Variants in CLSTN1 observed in about 807,000 individuals in gnomAD.
CLSTN1 encodes calsyntenin 1.
Under a neutral mutation model 108.3 loss-of-function variants are expected in CLSTN1, and 28 were observed. The ratio of observed to expected loss-of-function variants is 0.26; its 90% CI spans 0.19 to 0.35. The LOEUF (loss-of-function observed/expected upper bound fraction) is 0.35, where lower values mean the gene tolerates loss of function less well. Among genes scored for constraint, CLSTN1 ranks in the 10% least tolerant of loss-of-function variants. The pLI is 1.00. For synonymous variants in CLSTN1, 524 were observed against 534.9 expected, an observed-to-expected ratio of 0.98 and a Z score of 0.28; for missense variants, 1,157 against 1,302.6, an observed-to-expected ratio of 0.89 and a Z score of 1.72.
intron 1 of CLSTN1, among the ~76,000 whole-genome samples, chr1:9,810,612 T>TA (rs926632288): frequency 6.6e-6 from 1 of 150,872 alleles, no homozygotes; most frequent in African/African-American, 2.4e-5. Flanking sequence ...CCATCTCTAC[T>TA]AAAAATACAA....
chr1:9,773,164 A>G (rs1652771362), intron 2 of CLSTN1, 108 bp downstream of exon 2: 1 of 1,446,202 alleles, frequency 6.9e-7, no homozygotes, highest in Admixed American at 2.0e-5. Flanking sequence ...AATAACCCTC[A>G]GCTATGGAGA....
chr1:9,812,866 C>A (rs200344333), intron 1 of CLSTN1, among the ~76,000 whole-genome samples: 1,858 of 137,998 alleles, frequency 0.013, 20 homozygotes, highest in East Asian at 0.039. Context: ...AAAAAAAAAA[C>A]AAACAAACCT....
At chr1:9,803,861 T>C (rs1482970125) in intron 1 of CLSTN1, among the ~76,000 whole-genome samples, 1 of 152,084 alleles carries the variant, frequency 6.6e-6, no homozygotes, top group Non-Finnish European at 1.5e-5. Flanking sequence ...ACATCAGCCA[T>C]TTAAAGGTCT....
intron 10 of CLSTN1, 90 bp downstream of exon 10, chr1:9,741,004 G>A (rs1024138479): frequency 1.4e-6 from 2 of 1,403,066 alleles, no homozygotes; most frequent in African/African-American, 1.4e-5. Flanking sequence ...GGGTAAGGCT[G>A]TAGGATACCG....
intron 10 of CLSTN1, among the ~76,000 whole-genome samples, chr1:9,739,186 T>G (rs373383173): frequency 1.4e-4 from 21 of 152,142 alleles, no homozygotes; most frequent in African/African-American, 4.3e-4. Context: ...CCTTTGGCAA[T>G]AAATGTAGGC....
chr1:9,749,207 A>G (rs1286251116), intron 7 of CLSTN1, among the ~76,000 whole-genome samples: 1 of 152,096 alleles, frequency 6.6e-6, no homozygotes, highest in African/African-American at 2.4e-5. Flanking sequence ...TCTGGCCACC[A>G]GTGGTTCTTA....
chr1:9,819,366 T>C (rs1447671817), intron 1 of CLSTN1, among the ~76,000 whole-genome samples: 1 of 152,224 alleles, frequency 6.6e-6, no homozygotes. Context: ...ATTTTAAACA[T>C]TTAGACTTGG....
In CLSTN1 at chr1:9,819,291, A is replaced by G. The variant is rs114190122; in HGVS notation, c.91+4352T>C. ...ACATACTTTCCTGTCTCAGAAAGCA[A>G]TAATAAAAATAACTCAGTACTTTTT... is the stretch of plus-strand genomic sequence containing the variant. On this transcript the variant is annotated intron_variant, in intron 1 of 18. Coordinates refer to ENST00000377298, the MANE Select transcript of CLSTN1 (RefSeq NM_001009566.3). Among the ~76,000 whole-genome samples, 1,241 of 152,328 alleles carry G rather than the reference A, an allele frequency of 8.1e-3. 15 individuals are homozygous for G. Among genetic ancestry groups the G allele is most frequent in the Middle Eastern group, 0.031 (9 of 294 alleles).
chr1:9,793,115 C>T (rs1026246051), intron 1 of CLSTN1, among the ~76,000 whole-genome samples: 1 of 151,180 alleles, frequency 6.6e-6, no homozygotes, highest in African/African-American at 2.4e-5. Context: ...CAGATTCAAG[C>T]GATTCTCCTG....
At chr1:9,766,310 C>G (rs1652329277) in intron 2 of CLSTN1, among the ~76,000 whole-genome samples, 1 of 152,146 alleles carries the variant, frequency 6.6e-6, no homozygotes, top group South Asian at 2.1e-4. Context: ...AGGCCCCAAC[C>G]CTGTGGCCCA....
intron 1 of CLSTN1, among the ~76,000 whole-genome samples, chr1:9,791,080 T>C (rs1653747873): frequency 6.9e-6 from 1 of 145,662 alleles, no homozygotes; most frequent in Non-Finnish European, 1.5e-5. Context: ...AGGCAGAACT[T>C]GCAGTGAGCC....
chr1:9,761,168 T>C (rs1018597321), intron 2 of CLSTN1, among the ~76,000 whole-genome samples: 1 of 152,064 alleles, frequency 6.6e-6, no homozygotes, highest in African/African-American at 2.4e-5. Flanking sequence ...CCCTAGGAGA[T>C]CATCTAAAAT....
At chr1:9,739,359 T>C (rs1299867517) in intron 10 of CLSTN1, among the ~76,000 whole-genome samples, 3 of 152,252 alleles carry the variant, frequency 2.0e-5, no homozygotes, top group Admixed American at 6.5e-5. Flanking sequence ...AAGCTGGTTC[T>C]TCATTTGTTA....
Position 9,731,316 on chromosome 1 carries a change from A to G in CLSTN1, c.2638T>C (p.Phe880Leu). ...CGCCGATGTGCGGCCCGGATCCGAA[A>G]TACCCCCAGGATAATCATGAACACC... Reference protein sequence around the residue: ...FLVFMIILGVFRIRAAHRRTM... With the variant: ...FLVFMIILGVLRIRAAHRRTM... The change falls in exon 18 of 19, where the codon TTT becomes CTT. Residue 880 changes from phenylalanine (F) to leucine (L), a missense_variant. By Grantham distance (22) the Phe-to-Leu change is conservative (BLOSUM62 0). Transcript: ENST00000377298. The G allele has an allele frequency of 6.2e-7, 1 of 1,614,232 alleles. No individual in the cohort carries two copies. The highest frequency in any genetic ancestry group is 8.5e-7 in the Non-Finnish European group (1 of 1,180,048).
chr1:9,773,118 A>G (rs1652769283), intron 2 of CLSTN1, among the ~76,000 whole-genome samples, 154 bp downstream of exon 2: 1 of 152,172 alleles, frequency 6.6e-6, no homozygotes, highest in African/African-American at 2.4e-5. Context: ...CCCAACTATT[A>G]AAAGGAAAAA....
intron 1 of CLSTN1, among the ~76,000 whole-genome samples, chr1:9,816,119 G>C (rs1189666772): frequency 6.6e-6 from 1 of 152,098 alleles, no homozygotes; most frequent in East Asian, 1.9e-4. Context: ...ATGTCCATCA[G>C]TGAATAAATG....
chr1:9,753,263 G>A (rs897258253), intron 4 of CLSTN1, among the ~76,000 whole-genome samples: 1 of 152,094 alleles, frequency 6.6e-6, no homozygotes. Context: ...GGTGGAGCTC[G>A]GGCAGAAATG....
rs114266418 is a variant in CLSTN1 at position 9,736,280 on chromosome 1, C to G, written c.1577-238G>C. ...GAGTTGGGGGTGTCTCACCTGAAGCCAAGAGGTCCCCTGAGGGTCCCCACA... is the reference window on the plus strand; with the variant it reads ...GAGTTGGGGGTGTCTCACCTGAAGCGAAGAGGTCCCCTGAGGGTCCCCACA... On this transcript the variant is annotated intron_variant, in intron 11 of 18. Coordinates refer to ENST00000377298, the MANE Select transcript of CLSTN1 (RefSeq NM_001009566.3). Among the ~76,000 whole-genome samples, 1,429 of 152,248 alleles carry G rather than the reference C, an allele frequency of 9.4e-3. 12 individuals are homozygous for G. Among genetic ancestry groups the G allele is most frequent in the Non-Finnish European group, 0.016 (1,069 of 68,004 alleles).
chr1:9,778,223 AACACACACACACACAC>A (rs57372437), intron 1 of CLSTN1, among the ~76,000 whole-genome samples: 41 of 134,502 alleles, frequency 3.0e-4, no homozygotes, highest in East Asian at 2.5e-3. Context: ...TCTCCTCCCC[AACACACACACACACAC>A]ACACACACAC....
Sources: allele counts gnomAD v4.1 joint callset (sites outside exome capture counted in the v4.1 genomes callset), GRCh38; gene constraint gnomAD v4.1.1; transcripts MANE v1.5; gene names NCBI Gene and HGNC (gene_info 2026-07-23, HGNC 2026-07-21).